CLVS2: variants seen among roughly 807,000 people sequenced by gnomAD.
CLVS2 encodes the protein clavesin 2, also known as clavesin-2.
A neutral mutation model predicts 29.0 loss-of-function variants in CLVS2; 19 were observed. That is an observed-to-expected ratio of 0.66 (90% CI 0.46 to 0.96). CLVS2 has a LOEUF of 0.96. Ranked by LOEUF, CLVS2 falls within the 40% of genes least tolerant of loss-of-function variation. The pLI, the probability that CLVS2 is intolerant of heterozygous loss-of-function variation, is 0.00. For synonymous variants in CLVS2, 161 were observed against 151.3 expected (o/e 1.06, Z -0.47); for missense variants, 294 against 404.1 (o/e 0.73, Z 2.34).
chr6:123,057,432 C>T (rs1236238803), intron 5 of CLVS2, among the ~76,000 whole-genome samples: 4 of 145,658 alleles, frequency 2.7e-5, no homozygotes, highest in African/African-American at 7.6e-5. Context: ...CTGCAACCTC[C>T]ACCTCCCTAG....
intron 5 of CLVS2, among the ~76,000 whole-genome samples, chr6:123,061,041 C>T (rs1027401261): frequency 2.0e-5 from 3 of 152,238 alleles, no homozygotes; most frequent in Non-Finnish European, 2.9e-5. Flanking sequence ...TGGCCCATGC[C>T]TGTAATCCCA....
chr6:123,066,784 T>C lies in CLVS2; in HGVS notation c.*3023T>C, dbSNP rs1172353608. The C allele has an allele frequency of 6.6e-6, 1 of 151,764 alleles. No homozygotes were observed. Among genetic ancestry groups the C allele is most frequent in the African/African-American group, 2.4e-5 (1 of 41,422 alleles). The allele number at this position is 151,764 out of a possible 1,614,324, so 9.4% of individuals were successfully genotyped here. A position where few individuals can be genotyped will look rare whatever the true frequency, so the allele number is the denominator to read the frequency against. On this transcript the variant is annotated 3_prime_UTR_variant, in exon 6 of 6. Coordinates refer to ENST00000275162, the MANE Select transcript of CLVS2 (RefSeq NM_001010852.4). ...TGGCATATGGATTTTATTTGTACTC[T>C]CTTCCAAAAAGTAAATACGTAAATC...
rs1296664744 is a variant in CLVS2 at position 123,071,206 on chromosome 6, C to A, written c.*7445C>A. 1 of 151,968 alleles carries A rather than the reference C, an allele frequency of 6.6e-6. No homozygotes were observed. The allele number at this position is 151,968 out of a possible 1,614,324, so 9.4% of individuals were successfully genotyped here. On this transcript the variant is annotated 3_prime_UTR_variant, in exon 6 of 6. Transcript: ENST00000275162. ...AAATCCAAAATGATTTCATGAGGAT[C>A]CTAATTTGTTTCAGCAAGTTATGTA...
chr6:123,059,471 G>A (rs1230277300), intron 5 of CLVS2, among the ~76,000 whole-genome samples: 1 of 152,224 alleles, frequency 6.6e-6, no homozygotes. Flanking sequence ...GGAAATACCA[G>A]TTGAATGCAT....
intron 2 of CLVS2, among the ~76,000 whole-genome samples, chr6:123,004,019 A>C (rs1027046868): frequency 3.9e-5 from 6 of 152,218 alleles, no homozygotes; most frequent in Non-Finnish European, 5.9e-5. Context: ...TGTATAAAAA[A>C]AATCAAATTC....
At chr6:123,046,679 A>G (rs1273303278) in intron 3 of CLVS2, among the ~76,000 whole-genome samples, 1 of 151,924 alleles carries the variant, frequency 6.6e-6, no homozygotes, top group Non-Finnish European at 1.5e-5. Context: ...AAAAATAATA[A>G]TAATAATCAC....
intron 3 of CLVS2, among the ~76,000 whole-genome samples, chr6:123,024,393 T>C (rs1774968931): frequency 6.6e-6 from 1 of 152,142 alleles, no homozygotes; most frequent in African/African-American, 2.4e-5. Context: ...GATTTGTATA[T>C]ACATGATTAA....
chr6:123,057,241 A>G (rs1489415061), intron 5 of CLVS2, among the ~76,000 whole-genome samples: 6 of 151,832 alleles, frequency 4.0e-5, no homozygotes, highest in Non-Finnish European at 8.8e-5. Context: ...GGTCATGCCA[A>G]TGTCTGGCAT....
chr6:123,054,312 G>T (rs1014312898), intron 4 of CLVS2, among the ~76,000 whole-genome samples: 3 of 152,198 alleles, frequency 2.0e-5, no homozygotes, highest in African/African-American at 7.2e-5. Context: ...AATACTGGCT[G>T]TTGTGCCCTC....
intron 5 of CLVS2, among the ~76,000 whole-genome samples, chr6:123,057,456 C>T (rs942567302): frequency 2.0e-5 from 3 of 150,808 alleles, no homozygotes; most frequent in African/African-American, 7.3e-5. Flanking sequence ...AAGGGATTCT[C>T]CTGCCTCAGC....
chr6:123,051,682 T>A (rs1463436857), intron 4 of CLVS2, among the ~76,000 whole-genome samples: 1 of 152,212 alleles, frequency 6.6e-6, no homozygotes, highest in African/African-American at 2.4e-5. Context: ...CTTTCATCTG[T>A]TCTTTTTCAC....
intron 2 of CLVS2, among the ~76,000 whole-genome samples, chr6:123,001,895 G>T (rs1774593317): frequency 6.6e-6 from 1 of 152,190 alleles, no homozygotes; most frequent in African/African-American, 2.4e-5. Context: ...ATTCATGAGT[G>T]AAATTGTGTC....
chr6:122,999,796 TG>T (rs1267102197), intron 2 of CLVS2, among the ~76,000 whole-genome samples: 3 of 152,158 alleles, frequency 2.0e-5, no homozygotes, highest in African/African-American at 7.2e-5. Context: ...GATACCATTA[TG>T]GGGGCAGATT....
rs1772854482 is a variant in CLVS2, at chr6:123,066,304, T to C, written c.*2543T>C. The C allele has an allele frequency of 6.6e-6, 1 of 151,712 alleles. No individual in the cohort carries two copies. The highest frequency in any genetic ancestry group is 6.6e-5 in the Admixed American group (1 of 15,178). The allele number at this position is 151,712 out of a possible 1,614,324, so 9.4% of individuals were successfully genotyped here. A position where few individuals can be genotyped will look rare whatever the true frequency, so the allele number is the denominator to read the frequency against. On this transcript the variant is annotated 3_prime_UTR_variant, in exon 6 of 6. Coordinates refer to ENST00000275162, the MANE Select transcript of CLVS2 (RefSeq NM_001010852.4). The stretch of plus-strand genomic sequence containing the variant: ...ATAGTTGTATGCCTATAAGCACTCC[T>C]ATACTCTTGTATTTTAATTGCAATA...
chr6:123,011,217 ATG>A (rs1774744281), intron 3 of CLVS2, 58 bp downstream of exon 3: 6 of 1,260,120 alleles, frequency 4.8e-6, no homozygotes, highest in South Asian at 1.9e-5. Context: ...CTCTTGTCTA[ATG>A]TGTTAGAATG....
chr6:122,998,233 G>C, intron 2 of CLVS2, 67 bp downstream of exon 2: 1 of 1,493,252 alleles, frequency 6.7e-7, no homozygotes, highest in Admixed American at 2.0e-5. Flanking sequence ...ACCCCGAGTA[G>C]TGTCATGGTT....
chr6:123,000,286 A>C (rs1003066752), intron 2 of CLVS2, among the ~76,000 whole-genome samples: 3 of 152,134 alleles, frequency 2.0e-5, no homozygotes, highest in African/African-American at 7.2e-5. Flanking sequence ...GCTTAGTCAA[A>C]ATTTCAGTTG....
intron 3 of CLVS2, among the ~76,000 whole-genome samples, chr6:123,026,907 G>T (rs576522607): frequency 1.3e-5 from 2 of 152,272 alleles, no homozygotes; most frequent in Admixed American, 6.5e-5. Context: ...AATATGCATT[G>T]TTCTTGTCTG....
intron 4 of CLVS2, among the ~76,000 whole-genome samples, chr6:123,049,808 G>GGC (rs1554203174): frequency 3.6e-5 from 5 of 138,954 alleles, no homozygotes; most frequent in East Asian, 4.1e-4. Flanking sequence ...GTGGGATGGG[G>GGC]GGCGGGGAGG....
Sources: gnomAD v4.1 joint callset for allele counts (sites outside exome capture counted in the v4.1 genomes callset) on GRCh38, gnomAD v4.1.1 for gene constraint, MANE v1.5 for transcripts, NCBI Gene and HGNC (gene_info 2026-07-23, HGNC 2026-07-21) for gene names.